Variants in SEMA5A observed in about 807,000 individuals in gnomAD.
SEMA5A encodes semaphorin 5A.
SEMA5A carries 55 observed loss-of-function variants against 135.5 expected under a neutral mutation model. The ratio of observed to expected loss-of-function variants is 0.41; its 90% CI spans 0.33 to 0.51. The LOEUF (loss-of-function observed/expected upper bound fraction) is 0.51. Among genes scored for constraint, SEMA5A ranks in the 20% least tolerant of loss-of-function variants. SEMA5A has a pLI of 0.37. For synonymous variants in SEMA5A, 580 were observed against 546.5 expected (o/e 1.06, Z -0.85); for missense variants, 1,290 against 1,419.9 (o/e 0.91, Z 1.47).
chr5:9,284,032 AGAT>A (rs1448425891), intron 5 of SEMA5A, among the ~76,000 whole-genome samples: 1 of 152,192 alleles, frequency 6.6e-6, no homozygotes, highest in African/African-American at 2.4e-5. Flanking sequence ...GATAGATAAC[AGAT>A]GATAAATAAA....
intron 5 of SEMA5A, among the ~76,000 whole-genome samples, chr5:9,307,783 A>G (rs1227608329): frequency 6.6e-6 from 1 of 152,180 alleles, no homozygotes; most frequent in Non-Finnish European, 1.5e-5. Flanking sequence ...TGCATTTTAG[A>G]TAAATGAAAT....
At chr5:9,394,828 A>G (rs1756319405) in intron 2 of SEMA5A, among the ~76,000 whole-genome samples, 1 of 152,208 alleles carries the variant, frequency 6.6e-6, no homozygotes, top group African/African-American at 2.4e-5. Flanking sequence ...CAGCTTATTA[A>G]GCCAATGTAG....
At chr5:9,045,681 A>T (rs780667091) in intron 21 of SEMA5A, 8 of 152,226 alleles carry the variant, frequency 5.3e-5, no homozygotes, top group Non-Finnish European at 1.0e-4. Context: ...TTTACTAAAA[A>T]GAAATAAGGG....
chr5:9,386,589 T>C (rs1755900990), intron 2 of SEMA5A, among the ~76,000 whole-genome samples: 1 of 152,150 alleles, frequency 6.6e-6, no homozygotes, highest in South Asian at 2.1e-4. Context: ...GTGCAGACTG[T>C]CTTCCGTGGT....
chr5:9,537,735 G>A (rs1361296017), intron 1 of SEMA5A, among the ~76,000 whole-genome samples: 2 of 152,176 alleles, frequency 1.3e-5, no homozygotes, highest in Admixed American at 6.5e-5. Context: ...GACTTAAAAC[G>A]CTGTTGATCT....
chr5:9,475,990 G>C (rs1759654202), intron 1 of SEMA5A, among the ~76,000 whole-genome samples: 1 of 152,170 alleles, frequency 6.6e-6, no homozygotes, highest in South Asian at 2.1e-4. Flanking sequence ...ATGCATTAAT[G>C]ATCAAAAATA....
chr5:9,290,100 T>A (rs1751004996), intron 5 of SEMA5A, among the ~76,000 whole-genome samples: 1 of 152,170 alleles, frequency 6.6e-6, no homozygotes, highest in African/African-American at 2.4e-5. Flanking sequence ...GGTGTTTGGT[T>A]ATATGAATAA....
chr5:9,323,227 C>T (rs1752708554), intron 4 of SEMA5A, among the ~76,000 whole-genome samples: 2 of 152,128 alleles, frequency 1.3e-5, no homozygotes, highest in African/African-American at 4.8e-5. Context: ...AGACTGTGAC[C>T]ATGTTTAGAT....
intron 1 of SEMA5A, among the ~76,000 whole-genome samples, chr5:9,453,041 T>C (rs1490347217): frequency 1.3e-5 from 2 of 152,198 alleles, no homozygotes; most frequent in Non-Finnish European, 2.9e-5. Context: ...TCCTGCTTCA[T>C]TATCCTAAGT....
At chr5:9,538,180 C>G (rs2126372912) in intron 1 of SEMA5A, among the ~76,000 whole-genome samples, 1 of 151,622 alleles carries the variant, frequency 6.6e-6, no homozygotes, top group African/African-American at 2.4e-5. Context: ...CTACCCAAAA[C>G]CTATATTCAG....
chr5:9,240,614 T>C (rs1047469737), intron 5 of SEMA5A, among the ~76,000 whole-genome samples: 1 of 151,950 alleles, frequency 6.6e-6, no homozygotes, highest in East Asian at 1.9e-4. Flanking sequence ...CTCCTCTCTG[T>C]GGGTTCTTAT....
At chr5:9,534,242 T>C (rs1737620441) in intron 1 of SEMA5A, among the ~76,000 whole-genome samples, 1 of 152,188 alleles carries the variant, frequency 6.6e-6, no homozygotes, top group Non-Finnish European at 1.5e-5. Context: ...GTCCCCCGAC[T>C]CTTAATGATG....
intron 1 of SEMA5A, among the ~76,000 whole-genome samples, chr5:9,479,995 T>C (rs1327703777): frequency 6.6e-6 from 1 of 152,238 alleles, no homozygotes; most frequent in Non-Finnish European, 1.5e-5. Context: ...GTTCTTTTTT[T>C]TCTCCTCGTT....
intron 1 of SEMA5A, among the ~76,000 whole-genome samples, chr5:9,480,295 T>C (rs1430145435): frequency 6.6e-6 from 1 of 152,172 alleles, no homozygotes; most frequent in African/African-American, 2.4e-5. Flanking sequence ...TTTTACTATG[T>C]CCCTGAATCC....
intron 1 of SEMA5A, among the ~76,000 whole-genome samples, chr5:9,467,792 C>T (rs900391735): frequency 1.3e-5 from 2 of 152,146 alleles, no homozygotes; most frequent in Non-Finnish European, 1.5e-5. Context: ...GTGGGTCTGG[C>T]GTCCTGCCTG....
At chr5:9,400,865 A>C (rs548901972) in intron 2 of SEMA5A, among the ~76,000 whole-genome samples, 8 of 152,280 alleles carry the variant, frequency 5.3e-5, no homozygotes, top group African/African-American at 1.9e-4. Context: ...AATACGTTAC[A>C]TTATATACAA....
At chr5:9,433,264 A>G (rs942826475) in intron 2 of SEMA5A, among the ~76,000 whole-genome samples, 2 of 152,220 alleles carry the variant, frequency 1.3e-5, no homozygotes, top group African/African-American at 4.8e-5. Context: ...TACAATCAGA[A>G]GAAAGTAAAG....
At chr5:9,300,906 T>C (rs1325540112) in intron 5 of SEMA5A, among the ~76,000 whole-genome samples, 3 of 152,122 alleles carry the variant, frequency 2.0e-5, no homozygotes, top group Non-Finnish European at 4.4e-5. Context: ...TCAAAGGGAG[T>C]GGAGCCCTGC....
At chr5:9,118,056 G>A (rs1740614632) in intron 15 of SEMA5A, among the ~76,000 whole-genome samples, 1 of 152,218 alleles carries the variant, frequency 6.6e-6, no homozygotes, top group East Asian at 1.9e-4. Context: ...TATCTAAACA[G>A]TAAGTCTGTT....
Sources: allele counts gnomAD v4.1 joint callset (sites outside exome capture counted in the v4.1 genomes callset), GRCh38; gene constraint gnomAD v4.1.1; transcripts MANE v1.5; gene names NCBI Gene and HGNC (gene_info 2026-07-23, HGNC 2026-07-21).